Variants in WDR75 observed in about 807,000 individuals in gnomAD.
WDR75 encodes WD repeat domain 75, also known as WD repeat-containing protein 75.
Under a neutral mutation model 106.1 loss-of-function variants are expected in WDR75, and 52 were observed. That is an observed-to-expected ratio of 0.49 (90% CI 0.39 to 0.62). The LOEUF (loss-of-function observed/expected upper bound fraction) is 0.62. Ranked by LOEUF, WDR75 falls within the 20% of genes least tolerant of loss-of-function variation. The probability of loss-of-function intolerance (pLI) is 0.00; values close to 1 mark genes in which losing one functional copy is unlikely to be tolerated. For synonymous variants in WDR75, 333 were observed against 335.5 expected (o/e 0.99, Z 0.08); for missense variants, 905 against 970.3 (o/e 0.93, Z 0.89).
chr2:189,471,039 C>G (rs1235211380), intron 18 of WDR75, among the ~76,000 whole-genome samples, 161 bp downstream of exon 18: 1 of 152,020 alleles, frequency 6.6e-6, no homozygotes, highest in African/African-American at 2.4e-5. Context: ...TTTTAGTGCT[C>G]TTTTAAAATT....
rs1180577901 is a variant in WDR75 at position 189,475,338 on chromosome 2, T to G, written c.2414T>G (p.Ile805Arg). ...AACACAGGTTTAGGAGAAGACATTATACATCAGTTGTCAAAATCTGAAGAA... is the reference window on the plus strand; with the variant it reads ...AACACAGGTTTAGGAGAAGACATTAGACATCAGTTGTCAAAATCTGAAGAA... ...TSNTGLGEDI[I>R]HQLSKSEEKE... Residue 805 changes from isoleucine to arginine, a missense_variant, in exon 21 of 21, where the codon ATA (isoleucine) becomes AGA (arginine). By Grantham distance (97) the Ile-to-Arg change is moderately conservative (BLOSUM62 -3). Transcript: ENST00000314761. 6.2e-7 allele frequency: 1 copy of G among 1,612,566 alleles called. No individual in the cohort carries two copies. Among genetic ancestry groups the G allele is most frequent in the Non-Finnish European group, 8.5e-7 (1 of 1,179,228 alleles).
At chr2:189,472,097 A>AT (rs1245269602) in intron 18 of WDR75, among the ~76,000 whole-genome samples, 2 of 152,194 alleles carry the variant, frequency 1.3e-5, no homozygotes, top group African/African-American at 4.8e-5. Flanking sequence ...GCCAGGGACC[A>AT]TTGTAGACAG....
intron 5 of WDR75, among the ~76,000 whole-genome samples, chr2:189,456,989 C>G (rs1574194434): frequency 3.3e-5 from 5 of 152,236 alleles, no homozygotes; most frequent in Admixed American, 3.3e-4. Flanking sequence ...CTCCTGTAAT[C>G]CCAGCACTTT....
intron 16 of WDR75, among the ~76,000 whole-genome samples, chr2:189,469,654 AT>A (rs1456433165): frequency 1.3e-5 from 2 of 152,100 alleles, no homozygotes; most frequent in African/African-American, 4.8e-5. Flanking sequence ...CCACAAGCCA[AT>A]TCGTACTCAA....
rs755225793 is a variant in WDR75, at chr2:189,458,776, A to G, written c.593A>G (p.Asn198Ser). 54 of 1,596,206 alleles carry G rather than the reference A, an allele frequency of 3.4e-5. No individual in the cohort carries two copies. Among genetic ancestry groups the G allele is most frequent in the Non-Finnish European group, 4.6e-5 (54 of 1,171,242 alleles). The change falls in exon 7 of 21, where the codon AAT (asparagine) becomes AGT (serine). Residue 198 changes from asparagine (N) to serine (S), a missense_variant. Transcript: ENST00000314761. ...AGGTTTACTTTATCATCATCAAGAA[A>G]TAAGAAGCATGCTAAAAACAATTTT... is the stretch of plus-strand genomic sequence containing the variant. ...TSRFTLSSSR[N>S]KKHAKNNFTC...
chr2:189,466,667 A>G, intron 13 of WDR75, 85 bp downstream of exon 13: 1 of 1,374,276 alleles, frequency 7.3e-7, no homozygotes. Flanking sequence ...CCATCCTGGG[A>G]GGACATTTTC....
rs1181530724 is a variant in WDR75 at position 189,467,916 on chromosome 2, A to G, written c.1628+268A>G. On this transcript the variant is annotated intron_variant, in intron 14 of 20. Coordinates refer to ENST00000314761, the MANE Select transcript of WDR75 (RefSeq NM_032168.3). ...TGCTGAATGGTAACAGAAGCTATAC[A>G]TAAGCCTCAGGGGATCCAAACCTTC... 4.6e-5 allele frequency among the ~76,000 whole-genome samples: 7 copies of G among 152,320 alleles called. No individual in the cohort carries two copies. In the South Asian group the frequency reaches 8.3e-4, roughly 18 times the overall value.
At chr2:189,472,087 G>C (rs74603826) in intron 18 of WDR75, among the ~76,000 whole-genome samples, 3 of 151,886 alleles carry the variant, frequency 2.0e-5, no homozygotes, top group African/African-American at 7.3e-5. Context: ...TTTACTGTAC[G>C]CCAGGGACCA....
intron 11 of WDR75, 131 bp from the exon 12 acceptor site, chr2:189,464,948 A>T: frequency 1.6e-6 from 1 of 627,424 alleles, no homozygotes; most frequent in Non-Finnish European, 2.5e-6. Context: ...TTTTGCCTTT[A>T]TTTAAAAATC....
intron 1 of WDR75, among the ~76,000 whole-genome samples, chr2:189,446,809 A>G (rs1686508569): frequency 6.6e-6 from 1 of 152,246 alleles, no homozygotes; most frequent in Admixed American, 6.5e-5. Flanking sequence ...AGAGATTAAC[A>G]TCAATAACTA....
intron 8 of WDR75, among the ~76,000 whole-genome samples, chr2:189,461,408 G>A (rs1686880646): frequency 6.6e-6 from 1 of 152,122 alleles, no homozygotes; most frequent in Non-Finnish European, 1.5e-5. Context: ...TGTTTTTATA[G>A]TATTGAGTAT....
chr2:189,448,022 T>G (rs890461659), intron 1 of WDR75, among the ~76,000 whole-genome samples: 4 of 152,172 alleles, frequency 2.6e-5, no homozygotes, highest in Admixed American at 2.0e-4. Flanking sequence ...GCTGATGGAT[T>G]TATAAAGGGG....
In WDR75 at chr2:189,448,322, G is replaced by A; in HGVS notation, c.87-57G>A. On this transcript the variant is annotated intron_variant, in intron 1 of 20. Transcript: ENST00000314761. ...ATGATGAAAAATGTCTTTTTCAGCA[G>A]TGTGAAAACAGGCTAATACAGTATG... The A allele has an allele frequency of 2.0e-6, 3 of 1,525,492 alleles. No individual in the cohort carries two copies. In the South Asian group the frequency reaches 3.8e-5, roughly 20 times the overall value. The allele number at this position is 1,525,492 out of a possible 1,614,324, so 94.5% of individuals were successfully genotyped here.
chr2:189,447,337 C>A (rs1391126737), intron 1 of WDR75, among the ~76,000 whole-genome samples: 1 of 152,142 alleles, frequency 6.6e-6, no homozygotes, highest in Non-Finnish European at 1.5e-5. Flanking sequence ...TGGAAGAAAT[C>A]CACAAATCCA....
At chr2:189,448,651 A>G (rs1259827560) in intron 2 of WDR75, 143 bp downstream of exon 2, 22 of 1,032,766 alleles carry the variant, frequency 2.1e-5, no homozygotes, top group South Asian at 1.9e-4. Context: ...TCCACTTGCT[A>G]AATTACATTG....
chr2:189,461,254 CAG>C (rs1340468503), intron 8 of WDR75, among the ~76,000 whole-genome samples: 2 of 152,160 alleles, frequency 1.3e-5, no homozygotes, highest in Non-Finnish European at 2.9e-5. Flanking sequence ...CAGTCTGAAA[CAG>C]TGTCCTATTT....
At chr2:189,461,296 C>T (rs1686876787) in intron 8 of WDR75, among the ~76,000 whole-genome samples, 1 of 152,172 alleles carries the variant, frequency 6.6e-6, no homozygotes, top group Non-Finnish European at 1.5e-5. Context: ...TAGTCTTTTG[C>T]AGGCTTTTGT....
chr2:189,459,010 T>A (rs780169480), intron 7 of WDR75, 138 bp downstream of exon 7: 19 of 1,153,000 alleles, frequency 1.6e-5, no homozygotes, highest in Admixed American at 3.0e-5. Context: ...ACTTACTGTT[T>A]TAGAATTTCT....
At chr2:189,473,202 A>G (rs370544459) in intron 18 of WDR75, among the ~76,000 whole-genome samples, 6 of 151,980 alleles carry the variant, frequency 3.9e-5, no homozygotes, top group Admixed American at 2.0e-4. Flanking sequence ...GGGTGACAGA[A>G]CAAGACTCCA....
Sources: gnomAD v4.1 joint callset for allele counts (sites outside exome capture counted in the v4.1 genomes callset) on GRCh38, gnomAD v4.1.1 for gene constraint, MANE v1.5 for transcripts, NCBI Gene and HGNC (gene_info 2026-07-23, HGNC 2026-07-21) for gene names.